Variants in VWC2 observed in about 807,000 individuals in gnomAD.
VWC2 encodes brorin.
VWC2 carries 14 observed loss-of-function variants against 29.8 expected under a neutral mutation model. That is an observed-to-expected ratio of 0.47 (90% CI 0.31 to 0.74). The LOEUF is 0.74. Among genes scored for constraint, VWC2 ranks in the 30% least tolerant of loss-of-function variants. The probability of loss-of-function intolerance (pLI) is 0.05; values close to 1 mark genes in which losing one functional copy is unlikely to be tolerated. For missense variants in VWC2, 457 were observed against 459.8 expected (o/e 0.99, Z 0.05); for synonymous variants, 213 against 199.0 (o/e 1.07, Z -0.59).
chr7:49,890,552 G>A (rs1173483582), intron 3 of VWC2, among the ~76,000 whole-genome samples: 1 of 152,066 alleles, frequency 6.6e-6, no homozygotes, highest in Non-Finnish European at 1.5e-5. Flanking sequence ...TCATTTTATA[G>A]GGATACTTAG....
At chr7:49,827,211 T>G (rs575840710) in intron 3 of VWC2, among the ~76,000 whole-genome samples, 32 of 152,200 alleles carry the variant, frequency 2.1e-4, no homozygotes, top group Middle Eastern at 3.4e-3. Context: ...ATGTTTAGAT[T>G]TTAAGTACTT....
intron 3 of VWC2, among the ~76,000 whole-genome samples, chr7:49,817,294 C>T (rs1252642642): frequency 6.6e-6 from 1 of 152,184 alleles, no homozygotes; most frequent in Non-Finnish European, 1.5e-5. Flanking sequence ...TCACAATATA[C>T]AATAAAACTG....
intron 3 of VWC2, among the ~76,000 whole-genome samples, chr7:49,829,477 C>T (rs865955319): frequency 2.0e-4 from 31 of 152,330 alleles, no homozygotes; most frequent in African/African-American, 7.2e-4. Flanking sequence ...ATTCTGGCAG[C>T]CTGGCAGGGT....
At chr7:49,824,708 A>C (rs934273461) in intron 3 of VWC2, among the ~76,000 whole-genome samples, 24 of 152,090 alleles carry the variant, frequency 1.6e-4, no homozygotes, top group Non-Finnish European at 3.1e-4. Context: ...TCATTTATTT[A>C]GATATTTTAA....
rs187295307 is a variant in VWC2 at position 49,810,954 on chromosome 7, T to A, written c.826+8114T>A. 1.2e-4 allele frequency among the ~76,000 whole-genome samples: 19 copies of A among 152,312 alleles called. No homozygotes were observed. In the East Asian group the frequency reaches 3.7e-3, roughly 29 times the overall value. ...GGAGAACATCTTTATGACTATAGGT[T>A]GTGTAAATATTTCTTAAAATTAATA... is the stretch of plus-strand genomic sequence containing the variant. On this transcript the variant is annotated intron_variant, in intron 3 of 3. Coordinates refer to ENST00000340652, the MANE Select transcript of VWC2 (RefSeq NM_198570.5).
chr7:49,921,601 T>C lies in VWC2; in HGVS notation c.*9416T>C, dbSNP rs140715475. 26 of 152,270 alleles carry C rather than the reference T, an allele frequency of 1.7e-4. No homozygotes were observed. The highest frequency in any genetic ancestry group is 6.3e-4 in the African/African-American group (26 of 41,558). The allele number at this position is 152,270 out of a possible 1,614,324, so 9.4% of individuals were successfully genotyped here. On this transcript the variant is annotated 3_prime_UTR_variant, in exon 4 of 4. Transcript: ENST00000340652. Reference sequence around the variant, plus strand: ...CTAAGAGGATTAAATGAGTGAATATTTGTAAAACACGTAGCCTAGAATAGA... The same window carrying C: ...CTAAGAGGATTAAATGAGTGAATATCTGTAAAACACGTAGCCTAGAATAGA...
At chr7:49,785,088 A>G (rs112013949) in intron 2 of VWC2, among the ~76,000 whole-genome samples, 2 of 152,240 alleles carry the variant, frequency 1.3e-5, no homozygotes, top group African/African-American at 4.8e-5. Flanking sequence ...TTTGAATAAG[A>G]ATCAGATAAA....
chr7:49,791,838 G>C (rs879198141), intron 2 of VWC2, among the ~76,000 whole-genome samples: 1 of 152,296 alleles, frequency 6.6e-6, no homozygotes, highest in African/African-American at 2.4e-5. Flanking sequence ...CTCTCAGTCT[G>C]TAAAAATCAA....
intron 3 of VWC2, among the ~76,000 whole-genome samples, chr7:49,900,304 A>G (rs1792645646): frequency 6.6e-6 from 1 of 151,778 alleles, no homozygotes; most frequent in African/African-American, 2.4e-5. Flanking sequence ...AAAGTAGGCC[A>G]AAGAAAATAA....
intron 3 of VWC2, among the ~76,000 whole-genome samples, chr7:49,821,582 A>G (rs1035502312): frequency 6.6e-6 from 1 of 152,188 alleles, no homozygotes; most frequent in Non-Finnish European, 1.5e-5. Context: ...TCAGTTTTAT[A>G]TCAGTGTCTT....
chr7:49,885,013 G>A (rs1416838599), intron 3 of VWC2, among the ~76,000 whole-genome samples: 1 of 152,060 alleles, frequency 6.6e-6, no homozygotes, highest in Non-Finnish European at 1.5e-5. Context: ...TATAAGTGTT[G>A]TATGGCTAAA....
At chr7:49,848,194 G>C (rs77142543) in intron 3 of VWC2, among the ~76,000 whole-genome samples, 1 of 152,168 alleles carries the variant, frequency 6.6e-6, no homozygotes, top group Admixed American at 6.5e-5. Flanking sequence ...TTTGAGTGAC[G>C]TATGAGTTTT....
chr7:49,856,792 G>A (rs940927609), intron 3 of VWC2, among the ~76,000 whole-genome samples: 3 of 152,012 alleles, frequency 2.0e-5, no homozygotes, highest in African/African-American at 4.8e-5. Context: ...GGCGGATCAC[G>A]AGGTCAGGAG....
At chr7:49,821,212 T>C (rs1003296049) in intron 3 of VWC2, among the ~76,000 whole-genome samples, 1 of 152,234 alleles carries the variant, frequency 6.6e-6, no homozygotes, top group East Asian at 1.9e-4. Context: ...GATGAGTGTT[T>C]AATATGCACA....
chr7:49,883,070 G>A (rs1791740519), intron 3 of VWC2, among the ~76,000 whole-genome samples: 1 of 152,052 alleles, frequency 6.6e-6, no homozygotes. Context: ...TTGAGACAGA[G>A]AAGCCAAGAC....
rs1791480711 is a variant in VWC2, at chr7:49,877,484, ATATATATATATAT to A, written c.827-34549_827-34537del. Among the ~76,000 whole-genome samples, 53 of 26,576 alleles carry A rather than the reference ATATATATATATAT, an allele frequency of 2.0e-3. 10 individuals carry two copies. The highest frequency in any genetic ancestry group is 0.015 in the Middle Eastern group (1 of 66). 17.4% of individuals were successfully genotyped at this position (26,576 alleles called of 152,430 possible). A position where few individuals can be genotyped will look rare whatever the true frequency, so the allele number is the denominator to read the frequency against. On this transcript the variant is annotated intron_variant, in intron 3 of 3. Transcript: ENST00000340652. ...TCTCAAAAAAAAAAAAAAAAAAAAT[ATATATATATATAT>A]ATATATATATATATATATATAGTTA...
At chr7:49,792,230 G>T (rs1198238073) in intron 2 of VWC2, among the ~76,000 whole-genome samples, 3 of 152,110 alleles carry the variant, frequency 2.0e-5, no homozygotes, top group Admixed American at 1.3e-4. Flanking sequence ...ATTCATCCTT[G>T]TGGAGTGTCC....
At chr7:49,853,304 C>T (rs1790273065) in intron 3 of VWC2, among the ~76,000 whole-genome samples, 1 of 152,226 alleles carries the variant, frequency 6.6e-6, no homozygotes, top group African/African-American at 2.4e-5. Flanking sequence ...GGCCGGCCCC[C>T]AGCACTTGCC....
At chr7:49,839,489 G>A (rs1365355864) in intron 3 of VWC2, among the ~76,000 whole-genome samples, 3 of 152,034 alleles carry the variant, frequency 2.0e-5, no homozygotes, top group Non-Finnish European at 4.4e-5. Flanking sequence ...ACTGAATGAT[G>A]TTTCACATTC....
Sources: allele counts gnomAD v4.1 joint callset (sites outside exome capture counted in the v4.1 genomes callset), GRCh38; gene constraint gnomAD v4.1.1; transcripts MANE v1.5; gene names NCBI Gene and HGNC (gene_info 2026-07-23, HGNC 2026-07-21).